ZFAND3: variants seen among roughly 807,000 people sequenced by gnomAD.
The protein encoded by ZFAND3 is zinc finger AN1-type containing 3.
ZFAND3 carries 10 observed loss-of-function variants against 29.6 expected under a neutral mutation model. That is an observed-to-expected ratio of 0.34 (90% CI 0.21 to 0.57). ZFAND3 has a LOEUF of 0.57. ZFAND3 is among the 20% of genes least tolerant of loss of function. The pLI is 0.86. For missense variants in ZFAND3, 230 were observed against 304.5 expected (o/e 0.76, Z 1.82); for synonymous variants, 128 against 112.6 (o/e 1.14, Z -0.87).
At chr6:37,864,806 A>T (rs1764559892) in intron 1 of ZFAND3, among the ~76,000 whole-genome samples, 1 of 151,996 alleles carries the variant, frequency 6.6e-6, no homozygotes, top group Admixed American at 6.6e-5. Context: ...CTCTATATTT[A>T]TTCTTTGGTA....
At chr6:38,119,190 CTG>C (rs1422510733) in intron 5 of ZFAND3, among the ~76,000 whole-genome samples, 8 of 152,152 alleles carry the variant, frequency 5.3e-5, no homozygotes, top group African/African-American at 1.7e-4. Flanking sequence ...ATAAAAAAGT[CTG>C]GGACTGTTTT....
At chr6:37,895,403 C>A (rs1165192993) in intron 1 of ZFAND3, among the ~76,000 whole-genome samples, 1 of 148,466 alleles carries the variant, frequency 6.7e-6, no homozygotes, top group African/African-American at 2.5e-5. Context: ...GACGTGATCT[C>A]CGCTCACTGC....
intron 3 of ZFAND3, among the ~76,000 whole-genome samples, chr6:38,066,162 G>A (rs1179109763): frequency 2.0e-5 from 3 of 152,214 alleles, no homozygotes. Flanking sequence ...AGGAAGATGT[G>A]TGCCAGATTT....
At chr6:38,079,055 A>G (rs1001267227) in intron 3 of ZFAND3, among the ~76,000 whole-genome samples, 5 of 152,162 alleles carry the variant, frequency 3.3e-5, no homozygotes, top group African/African-American at 9.7e-5. Flanking sequence ...AATTTCCTGC[A>G]TTGATTTTAA....
At chr6:37,996,316 T>C (rs916682363) in intron 2 of ZFAND3, among the ~76,000 whole-genome samples, 2 of 152,208 alleles carry the variant, frequency 1.3e-5, no homozygotes, top group Non-Finnish European at 2.9e-5. Flanking sequence ...TCAACACATA[T>C]ATGAATGGAA....
chr6:37,846,212 C>T (rs137931719), intron 1 of ZFAND3, among the ~76,000 whole-genome samples: 1 of 152,316 alleles, frequency 6.6e-6, no homozygotes, highest in East Asian at 1.9e-4. Flanking sequence ...CAGTGCCTTA[C>T]ATTATGCTTT....
intron 5 of ZFAND3, among the ~76,000 whole-genome samples, chr6:38,125,680 A>G (rs1184466351): frequency 6.6e-6 from 1 of 152,248 alleles, no homozygotes; most frequent in Non-Finnish European, 1.5e-5. Flanking sequence ...ACCAAAAGGT[A>G]TTTGGATAGG....
At chr6:38,088,777 A>T (rs763909694) in intron 4 of ZFAND3, among the ~76,000 whole-genome samples, 1 of 152,200 alleles carries the variant, frequency 6.6e-6, no homozygotes, top group African/African-American at 2.4e-5. Flanking sequence ...TGCTGTGTGT[A>T]TGTTTAAAAT....
At chr6:37,962,672 C>T (rs1016072300) in intron 2 of ZFAND3, among the ~76,000 whole-genome samples, 2 of 152,140 alleles carry the variant, frequency 1.3e-5, no homozygotes, top group Non-Finnish European at 2.9e-5. Context: ...GTAAATGCAC[C>T]AATCAGAACT....
chr6:37,893,053 A>T (rs1765132010), intron 1 of ZFAND3, among the ~76,000 whole-genome samples: 1 of 152,154 alleles, frequency 6.6e-6, no homozygotes. Context: ...ACACACACAC[A>T]CACGCATGCA....
Position 38,116,650 on chromosome 6 carries a change from G to T in ZFAND3, c.440G>T (p.Ser147Ile). ...LENTERSEET[S>I]RSKQKSRRRC... ...AATACGGAACGGTCCGAGGAAACCAGTCGATCTAAACAGAAGAGTCGACGT... is the reference window on the plus strand; with the variant it reads ...AATACGGAACGGTCCGAGGAAACCATTCGATCTAAACAGAAGAGTCGACGT... Residue 147 changes from serine (S) to isoleucine (I), a missense_variant, in exon 5 of 6, where the codon AGT becomes ATT. By Grantham distance (142) the Ser-to-Ile change is moderately radical (BLOSUM62 -2). Around this residue, in one of 2 missense-constraint regions of ZFAND3, gnomAD observed 180 missense variants for 202.5 expected, o/e 0.89. Transcript: ENST00000287218. 1.2e-6 allele frequency: 2 copies of T among 1,614,204 alleles called. No homozygotes were observed. Among genetic ancestry groups the T allele is most frequent in the South Asian group, 2.2e-5 (2 of 91,074 alleles).
At chr6:37,922,087 A>T (rs1000660681) in intron 1 of ZFAND3, among the ~76,000 whole-genome samples, 2 of 152,000 alleles carry the variant, frequency 1.3e-5, no homozygotes, top group Non-Finnish European at 2.9e-5. Flanking sequence ...AAAATATAAA[A>T]TAAAATAAAA....
At chr6:38,016,455 A>G (rs892474649) in intron 2 of ZFAND3, among the ~76,000 whole-genome samples, 3 of 152,244 alleles carry the variant, frequency 2.0e-5, no homozygotes, top group Admixed American at 2.0e-4. Flanking sequence ...CCAGAACTTA[A>G]GAGAACACAC....
chr6:37,933,019 A>AT (rs2127413790), intron 2 of ZFAND3, among the ~76,000 whole-genome samples: 2 of 152,328 alleles, frequency 1.3e-5, no homozygotes, highest in Non-Finnish European at 2.9e-5. Flanking sequence ...TTAAAAATAC[A>AT]TTTTTGGATG....
At chr6:37,946,870 C>T (rs1349302426) in intron 2 of ZFAND3, among the ~76,000 whole-genome samples, 1 of 151,912 alleles carries the variant, frequency 6.6e-6, no homozygotes, top group Non-Finnish European at 1.5e-5. Flanking sequence ...TTTCCAGGGG[C>T]TAGAGGGTGG....
At chr6:38,006,307 G>A (rs1349207455) in intron 2 of ZFAND3, among the ~76,000 whole-genome samples, 3 of 152,158 alleles carry the variant, frequency 2.0e-5, no homozygotes, top group African/African-American at 7.2e-5. Context: ...TGTGTTTGCT[G>A]TGATAGAATT....
intron 3 of ZFAND3, among the ~76,000 whole-genome samples, chr6:38,070,838 T>C (rs988191579): frequency 6.6e-6 from 1 of 152,154 alleles, no homozygotes; most frequent in Non-Finnish European, 1.5e-5. Flanking sequence ...TTACCAATAT[T>C]AGGTGGGTTT....
chr6:38,019,914 T>C (rs1403777819), intron 2 of ZFAND3, among the ~76,000 whole-genome samples: 1 of 152,026 alleles, frequency 6.6e-6, no homozygotes, highest in Non-Finnish European at 1.5e-5. Flanking sequence ...TAGAGACGGT[T>C]TCAGTATGGT....
intron 2 of ZFAND3, among the ~76,000 whole-genome samples, chr6:37,977,142 T>C (rs894683466): frequency 6.6e-6 from 1 of 152,168 alleles, no homozygotes; most frequent in Non-Finnish European, 1.5e-5. Context: ...AATATTTTAG[T>C]ATCTAAACAT....
Sources: gnomAD v4.1 joint callset for allele counts (sites outside exome capture counted in the v4.1 genomes callset) on GRCh38, gnomAD v4.1.1 for gene constraint, gnomAD v4.1.1 regional missense constraint, MANE v1.5 for transcripts, NCBI Gene and HGNC (gene_info 2026-07-23, HGNC 2026-07-21) for gene names.